Variants in CADPS observed in about 807,000 individuals in gnomAD.
CADPS encodes the protein calcium-dependent secretion activator 1.
A neutral mutation model predicts 167.3 loss-of-function variants in CADPS; 57 were observed. The ratio of observed to expected loss-of-function variants is 0.34; its 90% confidence interval spans 0.28 to 0.42. The LOEUF is 0.42. CADPS is among the 20% of genes least tolerant of loss of function. The pLI, the probability that CADPS is intolerant of heterozygous loss-of-function variation, is 1.00. For synonymous variants in CADPS, 676 were observed against 635.3 expected, an observed-to-expected ratio of 1.06 and a Z score of -0.96; for missense variants, 1,414 against 1,738.1, an observed-to-expected ratio of 0.81 and a Z score of 3.32.
intron 6 of CADPS, among the ~76,000 whole-genome samples, chr3:62,631,888 C>A (rs893295208): frequency 4.6e-5 from 7 of 152,128 alleles, no homozygotes; most frequent in East Asian, 1.9e-4. Context: ...TAGCAAGTGA[C>A]CTTCAGCCAT....
At chr3:62,513,848 A>G in intron 16 of CADPS, 1 of 592,772 alleles carries the variant, frequency 1.7e-6, no homozygotes. Flanking sequence ...TAAAAGAAAA[A>G]GGAGCTTCAA....
Position 62,846,981 on chromosome 3 carries a change from T to C in CADPS, c.441+27608A>G, listed in dbSNP as rs1336470964. Among the ~76,000 whole-genome samples the C allele has an allele frequency of 2.0e-5, 3 of 152,192 alleles. No individual in the cohort carries two copies. In the East Asian group the frequency reaches 5.8e-4, roughly 29 times the overall value. On this transcript the variant is annotated intron_variant, in intron 1 of 29. Coordinates refer to ENST00000383710, the MANE Select transcript of CADPS (RefSeq NM_003716.4). The stretch of plus-strand genomic sequence containing the variant: ...CTCGCCCGGCTGGAGGTGGGTCTTT[T>C]AGTTAGTATTAAAAACATTTGAATT...
At chr3:62,647,939 C>A (rs893708204) in intron 5 of CADPS, among the ~76,000 whole-genome samples, 1 of 152,184 alleles carries the variant, frequency 6.6e-6, no homozygotes, top group African/African-American at 2.4e-5. Context: ...TTAGCACATG[C>A]CCTTTGCCCT....
chr3:62,552,877 A>G lies in CADPS; in HGVS notation c.1754-2762T>C, dbSNP rs189294541. 3.6e-3 allele frequency among the ~76,000 whole-genome samples: 545 copies of G among 152,316 alleles called. 2 individuals are homozygous for G. Among genetic ancestry groups the G allele is most frequent in the Middle Eastern group, 6.8e-3 (2 of 294 alleles). On this transcript the variant is annotated intron_variant, in intron 10 of 29. Transcript: ENST00000383710. ...CTATTTTGCTTAATTTCATATGGAA[A>G]GTTTTAAAATACCTAATTTGAGTAG...
At chr3:62,503,398 G>A (rs1269230864) in intron 17 of CADPS, among the ~76,000 whole-genome samples, 1 of 152,182 alleles carries the variant, frequency 6.6e-6, no homozygotes, top group Non-Finnish European at 1.5e-5. Flanking sequence ...GCTGATAAGA[G>A]CAAAGAAAGC....
chr3:62,475,854 T>C (rs1249334726), intron 23 of CADPS, among the ~76,000 whole-genome samples: 6 of 152,096 alleles, frequency 3.9e-5, no homozygotes, highest in African/African-American at 1.4e-4. Context: ...CCGGCCCAAT[T>C]TGAGAAATGG....
At chr3:62,425,019 G>C (rs2149486090) in intron 28 of CADPS, among the ~76,000 whole-genome samples, 1 of 152,246 alleles carries the variant, frequency 6.6e-6, no homozygotes, top group South Asian at 2.1e-4. Context: ...TCAGAAGAAA[G>C]GGCCCTGAGG....
chr3:62,640,477 A>T (rs2067198428), intron 6 of CADPS, among the ~76,000 whole-genome samples: 1 of 152,090 alleles, frequency 6.6e-6, no homozygotes, highest in Non-Finnish European at 1.5e-5. Flanking sequence ...ATGTTACAGG[A>T]AGTTGTTGTA....
intron 1 of CADPS, among the ~76,000 whole-genome samples, chr3:62,849,431 A>G (rs1472654537): frequency 8.6e-6 from 1 of 116,502 alleles, no homozygotes; most frequent in Non-Finnish European, 1.8e-5. Flanking sequence ...GATAGCTCTT[A>G]TTATTTTGAA....
intron 6 of CADPS, among the ~76,000 whole-genome samples, chr3:62,634,280 T>C (rs2065845676): frequency 6.6e-6 from 1 of 152,232 alleles, no homozygotes. Context: ...TATAATGTTC[T>C]TCTTAAAGAT....
chr3:62,689,371 C>A (rs564670861), intron 3 of CADPS, among the ~76,000 whole-genome samples: 2 of 152,046 alleles, frequency 1.3e-5, no homozygotes, highest in East Asian at 1.9e-4. Context: ...TAAACATAAT[C>A]AAGAGATAAT....
rs190014475 is a variant in CADPS at position 62,791,547 on chromosome 3, G to A, written c.442-25563C>T. ...ACAAGATCTCCAGGTTGATTCATAT[G>A]AAAACTCATGTATGAGAAGCATTGC... is the stretch of plus-strand genomic sequence containing the variant. On this transcript the variant is annotated intron_variant, in intron 1 of 29. Transcript: ENST00000383710. Among the ~76,000 whole-genome samples, 643 of 152,276 alleles carry A rather than the reference G, an allele frequency of 4.2e-3. 3 individuals carry two copies. Among genetic ancestry groups the A allele is most frequent in the Middle Eastern group, 0.02 (6 of 294 alleles).
At chr3:62,686,105 C>T (rs942599096) in intron 3 of CADPS, among the ~76,000 whole-genome samples, 2 of 151,914 alleles carry the variant, frequency 1.3e-5, no homozygotes, top group South Asian at 2.1e-4. Flanking sequence ...TAAATATGTA[C>T]GATTATTATG....
intron 7 of CADPS, 37 bp from the exon 8 acceptor site, chr3:62,585,361 A>C (rs1219211502): frequency 6.3e-7 from 1 of 1,587,560 alleles, no homozygotes; most frequent in South Asian, 1.1e-5. Flanking sequence ...AGAAAAGAGA[A>C]GCACCATTAT....
At chr3:62,558,813 C>T (rs933536540) in intron 9 of CADPS, among the ~76,000 whole-genome samples, 6 of 152,194 alleles carry the variant, frequency 3.9e-5, no homozygotes, top group African/African-American at 1.4e-4. Flanking sequence ...ATAGGGTTTG[C>T]AGAACTTCTT....
intron 11 of CADPS, among the ~76,000 whole-genome samples, chr3:62,541,315 G>T (rs1278562431): frequency 6.6e-6 from 1 of 152,094 alleles, no homozygotes; most frequent in Non-Finnish European, 1.5e-5. Flanking sequence ...TGCAGCTAGG[G>T]CATAATTCAA....
chr3:62,871,774 C>T (rs1297252206), intron 1 of CADPS, among the ~76,000 whole-genome samples: 1 of 152,052 alleles, frequency 6.6e-6, no homozygotes, highest in East Asian at 1.9e-4. Flanking sequence ...AATAATGTAT[C>T]AATATTAGTT....
At position 62,570,901 on chromosome 3, in the gene CADPS, A is replaced by C. The variant is rs2081166061; in HGVS notation, c.1615T>G (p.Trp539Gly). 1 of 1,610,804 alleles carries C rather than the reference A, an allele frequency of 6.2e-7. No individual in the cohort carries two copies. The highest frequency in any genetic ancestry group is 8.5e-7 in the Non-Finnish European group (1 of 1,177,028). The change falls in exon 9 of 30, where the codon TGG becomes GGG. Residue 539 changes from tryptophan to glycine, a missense_variant. This residue lies in a region of CADPS where 157 missense variants were observed against 229.4 expected (regional missense o/e 0.68). Transcript: ENST00000383710. ...ACCAATACAAAAAACCTTTTCTTCCATCTCTTCCAGACATTCTTACCGATG... is the reference window on the plus strand; with the variant it reads ...ACCAATACAAAAAACCTTTTCTTCCCTCTCTTCCAGACATTCTTACCGATG... ...WAIGKNVWKR[W>G]KKRFFVLVQV...
chr3:62,409,475 C>A (rs967057580), intron 28 of CADPS, among the ~76,000 whole-genome samples: 1 of 152,170 alleles, frequency 6.6e-6, no homozygotes, highest in African/African-American at 2.4e-5. Context: ...GACTCGGGGG[C>A]ATCCCCATGG....
Sources: gnomAD v4.1 joint callset for allele counts (sites outside exome capture counted in the v4.1 genomes callset) on GRCh38, gnomAD v4.1.1 for gene constraint, gnomAD v4.1.1 regional missense constraint, MANE v1.5 for transcripts, NCBI Gene and HGNC (gene_info 2026-07-23, HGNC 2026-07-21) for gene names.